Variants in MOGAT1 observed in about 807,000 individuals in gnomAD.
MOGAT1 encodes the protein monoacylglycerol O-acyltransferase 1, also known as 2-acylglycerol O-acyltransferase 1.
In MOGAT1, 32 loss-of-function variants were observed where a neutral mutation model predicts 31.4. That is an observed-to-expected ratio of 1.02 (90% CI 0.77 to 1.37). MOGAT1 has a LOEUF of 1.37. MOGAT1 is among the 40% of genes most tolerant of loss of function. MOGAT1 has a pLI of 0.00. For missense variants in MOGAT1, 426 were observed against 402.0 expected, an observed-to-expected ratio of 1.06 and a Z score of -0.51; for synonymous variants, 145 against 144.5, an observed-to-expected ratio of 1.00 and a Z score of -0.03.
chr2:222,704,723 A>G (rs1336459468), intron 5 of MOGAT1, among the ~76,000 whole-genome samples: 3 of 152,136 alleles, frequency 2.0e-5, no homozygotes, highest in Non-Finnish European at 4.4e-5. Context: ...GGAGTTGGGT[A>G]TGGCAGGGAT....
At chr2:222,681,537 C>T (rs1476391392) in intron 1 of MOGAT1, among the ~76,000 whole-genome samples, 1 of 152,160 alleles carries the variant, frequency 6.6e-6, no homozygotes, top group Non-Finnish European at 1.5e-5. Context: ...TGTTCACCAA[C>T]CCAGAAGCTG....
chr2:222,690,133 T>C (rs1692735125), intron 3 of MOGAT1, among the ~76,000 whole-genome samples: 1 of 152,158 alleles, frequency 6.6e-6, no homozygotes, highest in South Asian at 2.1e-4. Context: ...CACACATCTG[T>C]AGTCCCAACT....
At chr2:222,687,138 A>T (rs1440504657) in intron 1 of MOGAT1, among the ~76,000 whole-genome samples, 2 of 66,246 alleles carry the variant, frequency 3.0e-5, no homozygotes, top group Non-Finnish European at 5.7e-5. Flanking sequence ...AAAAAAAAAA[A>T]AGAAAGAACA....
Position 222,697,437 on chromosome 2 carries a change from C to T in MOGAT1, c.853+2149C>T, listed in dbSNP as rs1014106207. Among the ~76,000 whole-genome samples the T allele has an allele frequency of 2.6e-4, 39 of 151,966 alleles. 1 individual carries two copies. The highest frequency in any genetic ancestry group is 7.7e-4 in the African/African-American group (32 of 41,376). ...GGAACTGAAATAAAACTATTGCAGA[C>T]GCACATGAAGAGTGACTTTTCTGGT... is the stretch of plus-strand genomic sequence containing the variant. On this transcript the variant is annotated intron_variant, in intron 5 of 5. Transcript: ENST00000446656.
intron 1 of MOGAT1, chr2:222,677,614 G>A: frequency 3.4e-6 from 1 of 290,156 alleles, no homozygotes; most frequent in South Asian, 3.8e-5. Context: ...TAAACTATAA[G>A]GAGAGAAAAA....
intron 3 of MOGAT1, 38 bp from the exon 4 acceptor site, chr2:222,694,323 GA>G: frequency 1.3e-6 from 2 of 1,515,684 alleles, no homozygotes; most frequent in Non-Finnish European, 1.8e-6. Flanking sequence ...AATATTGTTA[GA>G]AAAGGATAAC....
chr2:222,708,366 G>GAGAC (rs1021311501), intron 5 of MOGAT1, among the ~76,000 whole-genome samples: 1 of 152,172 alleles, frequency 6.6e-6, no homozygotes, highest in African/African-American at 2.4e-5. Flanking sequence ...TTACAGGCGT[G>GAGAC]AGACACTGCG....
intron 3 of MOGAT1, among the ~76,000 whole-genome samples, chr2:222,689,993 G>A (rs545946152): frequency 6.6e-6 from 1 of 151,896 alleles, no homozygotes; most frequent in African/African-American, 2.4e-5. Context: ...GGTGGCTCAC[G>A]CCTGTAATCC....
chr2:222,686,691 G>A (rs1692674110), intron 1 of MOGAT1, among the ~76,000 whole-genome samples: 1 of 152,152 alleles, frequency 6.6e-6, no homozygotes, highest in Non-Finnish European at 1.5e-5. Flanking sequence ...GAGGTGTGGA[G>A]GACACATGCT....
intron 5 of MOGAT1, 139 bp from the exon 6 acceptor site, chr2:222,709,597 G>C (rs1693081482): frequency 4.3e-6 from 3 of 702,716 alleles, no homozygotes; most frequent in Non-Finnish European, 7.0e-6. Flanking sequence ...CAGGCAGCCA[G>C]TGAAAGGAAA....
Position 222,709,756 on chromosome 2 carries a change from C to T in MOGAT1, c.874C>T (p.Arg292Cys), listed in dbSNP as rs761351566. 1.5e-5 allele frequency: 24 copies of T among 1,612,618 alleles called. No individual in the cohort carries two copies. In the East Asian group the frequency reaches 3.1e-4, roughly 21 times the overall value. ...TGCAGTTGGCCGCCCGATCCCTGTT[C>T]GTCAGACTCTGAACCCGACCCAGGA... ...HTVVGRPIPV[R>C]QTLNPTQEQI... is the part of the protein sequence containing the mutation. The change falls in exon 6 of 6, where the codon CGT (arginine) becomes TGT (cysteine). Residue 292 changes from arginine to cysteine, a missense_variant. Arg to Cys is a radical substitution (Grantham distance 180). Transcript: ENST00000446656.
chr2:222,680,366 T>A (rs1295913581), intron 1 of MOGAT1, among the ~76,000 whole-genome samples: 1 of 152,202 alleles, frequency 6.6e-6, no homozygotes, highest in Non-Finnish European at 1.5e-5. Flanking sequence ...TTTGCCTTCA[T>A]CAGGCAAGGA....
chr2:222,677,724 T>C, intron 1 of MOGAT1: 1 of 416,384 alleles, frequency 2.4e-6, no homozygotes, highest in Non-Finnish European at 4.8e-6. Flanking sequence ...TCCGTGTCGA[T>C]TCTGGTGAAG....
At chr2:222,688,100 G>C (rs1692704303) in intron 1 of MOGAT1, among the ~76,000 whole-genome samples, 1 of 152,104 alleles carries the variant, frequency 6.6e-6, no homozygotes, top group Non-Finnish European at 1.5e-5. Context: ...CTACTTTATT[G>C]GTATGTGGCT....
At chr2:222,687,113 CAAAAAAAA>C (rs1177781176) in intron 1 of MOGAT1, among the ~76,000 whole-genome samples, 2,352 of 22,218 alleles carry the variant, frequency 0.11, 24 homozygotes, top group Non-Finnish European at 0.16. Context: ...GACTCCATCT[CAAAAAAAA>C]AAAAAAAAAA....
chr2:222,673,860 G>A (rs182996088), intron 1 of MOGAT1, among the ~76,000 whole-genome samples: 5 of 152,296 alleles, frequency 3.3e-5, no homozygotes, highest in African/African-American at 1.2e-4. Flanking sequence ...CACAGTATAT[G>A]TCTGGCCCAT....
intron 1 of MOGAT1, among the ~76,000 whole-genome samples, chr2:222,682,135 C>T (rs73993412): frequency 6.8e-6 from 1 of 148,014 alleles, no homozygotes; most frequent in Admixed American, 6.7e-5. Flanking sequence ...CACACACACA[C>T]ATACGTGTGC....
chr2:222,699,859 C>T lies in MOGAT1; in HGVS notation c.853+4571C>T, dbSNP rs149239237. 1.4e-4 allele frequency among the ~76,000 whole-genome samples: 21 copies of T among 152,174 alleles called. No homozygotes were observed. In the East Asian group the frequency reaches 2.1e-3, roughly 15 times the overall value. ...ACGAGATGGTGTCTTGCTGAGTATTCGAGAGCTGGTATTAACTGAAAAACT... is the reference window on the plus strand; with the variant it reads ...ACGAGATGGTGTCTTGCTGAGTATTTGAGAGCTGGTATTAACTGAAAAACT... On this transcript the variant is annotated intron_variant, in intron 5 of 5. Coordinates refer to ENST00000446656, the MANE Select transcript of MOGAT1 (RefSeq NM_058165.3).
intron 1 of MOGAT1, among the ~76,000 whole-genome samples, chr2:222,673,784 T>C (rs1474102507): frequency 6.6e-6 from 1 of 152,246 alleles, no homozygotes; most frequent in Non-Finnish European, 1.5e-5. Context: ...TGTATCTGTG[T>C]ATGGCTGTGG....
Sources: gnomAD v4.1 joint callset for allele counts (sites outside exome capture counted in the v4.1 genomes callset) on GRCh38, gnomAD v4.1.1 for gene constraint, MANE v1.5 for transcripts, NCBI Gene and HGNC (gene_info 2026-07-23, HGNC 2026-07-21) for gene names.